The following ERBB4 variants were observed in gnomAD, a reference collection of about 807,000 sequenced individuals.
ERBB4 encodes the protein receptor tyrosine-protein kinase erbB-4.
ERBB4 carries 42 observed loss-of-function variants against 158.0 expected under a neutral mutation model. That is an observed-to-expected ratio of 0.27 (90% confidence interval 0.21 to 0.34). The LOEUF is 0.34. ERBB4 is among the 10% of genes least tolerant of loss of function. The pLI is 1.00. For synonymous variants in ERBB4, 583 were observed against 558.7 expected (o/e 1.04, Z -0.61); for missense variants, 1,333 against 1,624.1 (o/e 0.82, Z 3.08).
At chr2:211,581,588 G>A (rs1378395987) in intron 19 of ERBB4, among the ~76,000 whole-genome samples, 1 of 152,040 alleles carries the variant, frequency 6.6e-6, no homozygotes, top group African/African-American at 2.4e-5. Flanking sequence ...CTGTAGTGGG[G>A]AATAATTTAC....
At chr2:212,240,637 CAAAAAA>C (rs71054188) in intron 1 of ERBB4, among the ~76,000 whole-genome samples, 19 of 35,792 alleles carry the variant, frequency 5.3e-4, no homozygotes, top group East Asian at 2.7e-3. Flanking sequence ...CACTCTGGCT[CAAAAAA>C]AAAAAAAAAA....
At chr2:212,461,201 A>G (rs1177178191) in intron 1 of ERBB4, among the ~76,000 whole-genome samples, 1 of 152,120 alleles carries the variant, frequency 6.6e-6, no homozygotes, top group African/African-American at 2.4e-5. Context: ...CATCCACCAG[A>G]CCTTAGAATG....
chr2:211,391,151 T>C (rs890847298), intron 25 of ERBB4, among the ~76,000 whole-genome samples: 1 of 152,204 alleles, frequency 6.6e-6, no homozygotes, highest in Non-Finnish European at 1.5e-5. Flanking sequence ...TTTTACTTGT[T>C]TTTGCTGTTT....
chr2:212,196,804 A>G (rs1207293866), intron 1 of ERBB4, among the ~76,000 whole-genome samples: 1 of 152,140 alleles, frequency 6.6e-6, no homozygotes, highest in Non-Finnish European at 1.5e-5. Context: ...TAGCTAAACT[A>G]AATGTTGAAT....
chr2:211,460,246 G>C (rs1036171380), intron 20 of ERBB4, among the ~76,000 whole-genome samples: 11 of 152,146 alleles, frequency 7.2e-5, no homozygotes, highest in African/African-American at 2.6e-4. Context: ...TAAGTCAAAT[G>C]CTTTTTTTTA....
intron 1 of ERBB4, among the ~76,000 whole-genome samples, chr2:212,138,454 C>T (rs12694263): frequency 0.097 from 14,764 of 152,154 alleles, 959 homozygotes; most frequent in Non-Finnish European, 0.14. Flanking sequence ...AAAAATTCAG[C>T]CTGGCATTCT....
intron 1 of ERBB4, among the ~76,000 whole-genome samples, chr2:212,229,231 T>C (rs1481555105): frequency 2.0e-5 from 3 of 152,080 alleles, no homozygotes; most frequent in Non-Finnish European, 4.4e-5. Flanking sequence ...CAGAAAGCAC[T>C]GTAGAAGCAG....
At chr2:212,340,546 A>G (rs1196497270) in intron 1 of ERBB4, among the ~76,000 whole-genome samples, 1 of 152,186 alleles carries the variant, frequency 6.6e-6, no homozygotes, top group Admixed American at 6.5e-5. Context: ...AGATTCTCGT[A>G]AGGAGCATGC....
At chr2:212,309,033 A>G (rs1220563002) in intron 1 of ERBB4, among the ~76,000 whole-genome samples, 3 of 150,942 alleles carry the variant, frequency 2.0e-5, no homozygotes. Context: ...AATTTGAGGA[A>G]GGATACTCTG....
chr2:211,747,885 A>G (rs1446438353), intron 5 of ERBB4, among the ~76,000 whole-genome samples: 4 of 151,946 alleles, frequency 2.6e-5, no homozygotes, highest in Non-Finnish European at 2.9e-5. Flanking sequence ...CAGGACCCCC[A>G]TAAATACCAA....
At chr2:212,441,195 C>T (rs569252429) in intron 1 of ERBB4, among the ~76,000 whole-genome samples, 1 of 152,042 alleles carries the variant, frequency 6.6e-6, no homozygotes. Flanking sequence ...CTCTGATGAA[C>T]CTTTTTTGTC....
intron 19 of ERBB4, among the ~76,000 whole-genome samples, chr2:211,606,824 T>C (rs1421876811): frequency 1.3e-5 from 2 of 152,298 alleles, no homozygotes; most frequent in Middle Eastern, 3.4e-3. Context: ...TGCTGCACAT[T>C]TTGAAATAAA....
At chr2:211,977,029 A>AT (rs2081627818) in intron 2 of ERBB4, among the ~76,000 whole-genome samples, 1 of 152,210 alleles carries the variant, frequency 6.6e-6, no homozygotes, top group Non-Finnish European at 1.5e-5. Flanking sequence ...AGATGGTATG[A>AT]TTGTCAATAC....
chr2:211,509,179 C>T (rs976838094), intron 20 of ERBB4, among the ~76,000 whole-genome samples: 2 of 151,598 alleles, frequency 1.3e-5, no homozygotes, highest in African/African-American at 4.8e-5. Flanking sequence ...GCACCAGAGC[C>T]TGTCGGGGAG....
intron 14 of ERBB4, among the ~76,000 whole-genome samples, chr2:211,669,285 A>C (rs2071749690): frequency 6.6e-6 from 1 of 151,962 alleles, no homozygotes; most frequent in Non-Finnish European, 1.5e-5. Flanking sequence ...ACATGAAAAA[A>C]AAAGAACTTA....
chr2:211,695,480 C>T (rs1240239903), intron 12 of ERBB4, among the ~76,000 whole-genome samples: 1 of 152,010 alleles, frequency 6.6e-6, no homozygotes, highest in Non-Finnish European at 1.5e-5. Flanking sequence ...TTTAAAAATA[C>T]TAAGTCTGTT....
intron 3 of ERBB4, among the ~76,000 whole-genome samples, chr2:211,815,619 G>C (rs924460811): frequency 6.6e-6 from 1 of 152,120 alleles, no homozygotes; most frequent in African/African-American, 2.4e-5. Flanking sequence ...TTTTGTTTAT[G>C]GTGTATGTGA....
chr2:211,709,572 T>G (rs1056476960), intron 9 of ERBB4, among the ~76,000 whole-genome samples: 4 of 152,010 alleles, frequency 2.6e-5, no homozygotes, highest in African/African-American at 9.7e-5. Flanking sequence ...TTGGCACATC[T>G]GGAGAGCTGT....
intron 1 of ERBB4, among the ~76,000 whole-genome samples, chr2:212,157,679 A>T (rs958253137): frequency 1.3e-5 from 2 of 152,132 alleles, no homozygotes; most frequent in Admixed American, 6.6e-5. Context: ...AAGCTTGTTT[A>T]TGAAGTTTAT....
Sources: allele counts gnomAD v4.1 joint callset (sites outside exome capture counted in the v4.1 genomes callset), GRCh38; gene constraint gnomAD v4.1.1; transcripts MANE v1.5; gene names NCBI Gene and HGNC (gene_info 2026-07-23, HGNC 2026-07-21).